The following PPP1R1C variants were observed in gnomAD, a reference collection of about 807,000 sequenced individuals.
PPP1R1C encodes the protein protein phosphatase 1 regulatory subunit 1C.
A neutral mutation model predicts 17.4 loss-of-function variants in PPP1R1C; 15 were observed. The observed-to-expected ratio is 0.86, with a 90% confidence interval of 0.58 to 1.33. PPP1R1C has a LOEUF of 1.33. Among genes scored for constraint, PPP1R1C ranks in the 40% most tolerant of loss-of-function variants. PPP1R1C has a pLI of 0.00. For missense variants in PPP1R1C, 143 were observed against 130.0 expected, an observed-to-expected ratio of 1.10 and a Z score of -0.48; for synonymous variants, 35 against 43.1, an observed-to-expected ratio of 0.81 and a Z score of 0.73.
At chr2:182,081,228 G>C (rs558829650) in intron 4 of PPP1R1C, among the ~76,000 whole-genome samples, 2 of 152,290 alleles carry the variant, frequency 1.3e-5, no homozygotes, top group South Asian at 4.1e-4. Context: ...TCTGAGCATA[G>C]TGCCAACTGG....
At chr2:181,989,049 T>A (rs537171002) in intron 2 of PPP1R1C, among the ~76,000 whole-genome samples, 2 of 152,286 alleles carry the variant, frequency 1.3e-5, no homozygotes, top group South Asian at 2.1e-4. Context: ...CTAAAATAAA[T>A]ACAAGTATAA....
intron 5 of PPP1R1C, among the ~76,000 whole-genome samples, chr2:182,124,525 A>G (rs1019378232): frequency 6.6e-6 from 1 of 151,776 alleles, no homozygotes; most frequent in Non-Finnish European, 1.5e-5. Context: ...CTTCCTATTC[A>G]TGAGGATGGA....
chr2:182,115,706 G>A (rs933172199), intron 4 of PPP1R1C, among the ~76,000 whole-genome samples: 1 of 152,150 alleles, frequency 6.6e-6, no homozygotes, highest in Admixed American at 6.6e-5. Context: ...GTTTTCAGAT[G>A]AAATTAAAGT....
intron 4 of PPP1R1C, among the ~76,000 whole-genome samples, chr2:182,070,825 C>T (rs535525465): frequency 1.3e-5 from 2 of 152,264 alleles, no homozygotes; most frequent in East Asian, 3.9e-4. Flanking sequence ...CCTCAGAAAA[C>T]TTGCAGTCAT....
At chr2:182,083,041 G>C (rs1408018903) in intron 4 of PPP1R1C, among the ~76,000 whole-genome samples, 2 of 152,100 alleles carry the variant, frequency 1.3e-5, no homozygotes, top group Non-Finnish European at 2.9e-5. Flanking sequence ...ATTCTTAAAG[G>C]GGCCTTAGGT....
chr2:181,993,285 C>T (rs773694121), intron 2 of PPP1R1C, among the ~76,000 whole-genome samples: 36 of 152,056 alleles, frequency 2.4e-4, no homozygotes, highest in African/African-American at 8.5e-4. Context: ...CATGGAGACC[C>T]TCTATTTTGC....
At chr2:181,993,270 C>G (rs1006596005) in intron 2 of PPP1R1C, among the ~76,000 whole-genome samples, 2 of 152,046 alleles carry the variant, frequency 1.3e-5, no homozygotes, top group Non-Finnish European at 2.9e-5. Flanking sequence ...CACAAAATCT[C>G]TCTTCATGGA....
chr2:182,122,571 A>G (rs1221495502), downstream of PPP1R1C, among the ~76,000 whole-genome samples: 1 of 152,178 alleles, frequency 6.6e-6, no homozygotes, highest in African/African-American at 2.4e-5. Flanking sequence ...TGAGGAAATG[A>G]TAATTTTATT....
chr2:181,997,915 C>A (rs1185234164), intron 2 of PPP1R1C, among the ~76,000 whole-genome samples: 1 of 152,174 alleles, frequency 6.6e-6, no homozygotes, highest in Non-Finnish European at 1.5e-5. Context: ...TCTGGCTCCT[C>A]TATCTCTCCT....
chr2:182,100,948 T>G (rs1689082916), intron 4 of PPP1R1C, among the ~76,000 whole-genome samples: 1 of 152,086 alleles, frequency 6.6e-6, no homozygotes, highest in Non-Finnish European at 1.5e-5. Context: ...TTTCCCATGT[T>G]TGGTGGTCAT....
At chr2:182,094,070 A>T (rs1030019327) in intron 4 of PPP1R1C, among the ~76,000 whole-genome samples, 14 of 152,188 alleles carry the variant, frequency 9.2e-5, no homozygotes, top group Admixed American at 7.2e-4. Context: ...TTTACAAAAG[A>T]AAGTCATGAT....
At chr2:182,031,478 T>C (rs1686836161) in intron 2 of PPP1R1C, among the ~76,000 whole-genome samples, 3 of 152,206 alleles carry the variant, frequency 2.0e-5, no homozygotes. Context: ...AATCATTTAC[T>C]TAACTTAGTT....
rs62192108 is a variant in PPP1R1C at position 181,976,074 on chromosome 2, A to G, written n.157+810A>G. 1.8e-3 allele frequency among the ~76,000 whole-genome samples: 280 copies of G among 152,222 alleles called. No individual in the cohort carries two copies. The highest frequency in any genetic ancestry group is 4.2e-3 in the Admixed American group (64 of 15,284). Reference sequence around the variant, plus strand: ...TTTATTAAAAAATTCAAATGTGCTCATTGTATAACATAGAAAATCATAAAG... The same window carrying G: ...TTTATTAAAAAATTCAAATGTGCTCGTTGTATAACATAGAAAATCATAAAG... On this transcript the variant is annotated intron_variant and non_coding_transcript_variant, in intron 2 of 5. Coordinates refer to the PPP1R1C transcript ENST00000464264. The surrounding 1 kb of genome is among the most constrained non-coding windows in gnomAD (Gnocchi z 4.8).
intron 2 of PPP1R1C, among the ~76,000 whole-genome samples, chr2:182,057,945 G>C (rs140904948): frequency 8.0e-4 from 122 of 152,080 alleles, no homozygotes; most frequent in African/African-American, 2.9e-3. Flanking sequence ...TTTTTTTAAA[G>C]AGTTTTAGAT....
chr2:182,079,353 C>A (rs531120234), intron 4 of PPP1R1C, among the ~76,000 whole-genome samples: 1 of 152,150 alleles, frequency 6.6e-6, no homozygotes, highest in Non-Finnish European at 1.5e-5. Flanking sequence ...TAATGTCTTA[C>A]GTATTCTGAA....
intron 4 of PPP1R1C, among the ~76,000 whole-genome samples, chr2:182,076,683 T>C (rs549991879): frequency 2.0e-5 from 3 of 152,168 alleles, no homozygotes; most frequent in Non-Finnish European, 4.4e-5. Context: ...TAATTAGTAC[T>C]TTTACAATAA....
intron 4 of PPP1R1C, among the ~76,000 whole-genome samples, chr2:182,083,452 G>A (rs1688538951): frequency 1.3e-5 from 2 of 152,024 alleles, no homozygotes; most frequent in Admixed American, 6.6e-5. Flanking sequence ...CAACTCTGTG[G>A]CATAATGTAT....
upstream of PPP1R1C, among the ~76,000 whole-genome samples, chr2:181,980,878 T>TA (rs1363019357): frequency 6.6e-6 from 1 of 152,064 alleles, no homozygotes; most frequent in Admixed American, 6.6e-5. Context: ...TCAAAATTGT[T>TA]AGAGTTAGTG....
chr2:182,005,651 T>A (rs141785835), intron 2 of PPP1R1C, among the ~76,000 whole-genome samples: 30 of 152,330 alleles, frequency 2.0e-4, no homozygotes, highest in Non-Finnish European at 3.1e-4. Flanking sequence ...TTTGCATCAT[T>A]TGTGTTATTT....
Sources: allele counts gnomAD v4.1 joint callset (sites outside exome capture counted in the v4.1 genomes callset), GRCh38; gene constraint gnomAD v4.1.1; non-coding constraint Gnocchi (gnomAD v3.1); transcripts MANE v1.5; gene names NCBI Gene and HGNC (gene_info 2026-07-23, HGNC 2026-07-21).